The following SEMA4F variants were observed in gnomAD, a reference collection of about 807,000 sequenced individuals.
SEMA4F encodes the protein semaphorin-4F.
In SEMA4F, 51 loss-of-function variants were observed where a neutral mutation model predicts 78.4. The ratio of observed to expected loss-of-function variants is 0.65; its 90% confidence interval spans 0.52 to 0.82. The LOEUF (loss-of-function observed/expected upper bound fraction) is 0.82. Ranked by LOEUF, SEMA4F falls within the 40% of genes least tolerant of loss-of-function variation. The probability of loss-of-function intolerance (pLI) is 0.00; values close to 1 mark genes in which losing one functional copy is unlikely to be tolerated. For synonymous variants in SEMA4F, 418 were observed against 408.7 expected (o/e 1.02, Z -0.27); for missense variants, 938 against 1,014.4 (o/e 0.92, Z 1.02).
the SEMA4F span, among the ~76,000 whole-genome samples, chr2:74,708,448 G>A: frequency 6.6e-6 from 1 of 152,008 alleles, no homozygotes. Context: ...AGGCCATGTG[G>A]GGACCTGGAA....
chr2:74,668,043 TTC>T (rs1684783324), intron 5 of SEMA4F, among the ~76,000 whole-genome samples: 2 of 152,218 alleles, frequency 1.3e-5, no homozygotes, highest in African/African-American at 4.8e-5. Flanking sequence ...CCAAACCTGC[TTC>T]TCTGTCAGTC....
rs200564949 is a variant in SEMA4F at position 74,680,128 on chromosome 2, C to G, written c.2232C>G (p.Phe744Leu). Residue 744 changes from phenylalanine to leucine, a missense_variant, in exon 14 of 14, where the codon TTC becomes TTG. Phe to Leu is a conservative substitution (Grantham distance 22). Coordinates refer to ENST00000357877, the MANE Select transcript of SEMA4F (RefSeq NM_004263.5). ...GSGFGGFSPP[F>L]LLDPCPSPAH... Reference sequence around the variant, plus strand: ...GCTTTGGTGGATTCTCACCACCCTTCCTGCTTGATCCTTGCCCAAGCCCAG... The same window carrying G: ...GCTTTGGTGGATTCTCACCACCCTTGCTGCTTGATCCTTGCCCAAGCCCAG... The G allele has an allele frequency of 1.2e-6, 2 of 1,611,002 alleles. No homozygotes were observed. Among genetic ancestry groups the G allele is most frequent in the Admixed American group, 3.3e-5 (2 of 59,940 alleles).
chr2:74,660,566 A>G (rs1056648521), intron 4 of SEMA4F, among the ~76,000 whole-genome samples: 4 of 152,268 alleles, frequency 2.6e-5, no homozygotes, highest in Admixed American at 2.0e-4. Context: ...CTCAGAGACT[A>G]TGCTGCTGAC....
downstream of SEMA4F, among the ~76,000 whole-genome samples, chr2:74,687,405 T>G (rs898914979): frequency 6.6e-6 from 1 of 152,266 alleles, no homozygotes; most frequent in African/African-American, 2.4e-5. Context: ...AATTTGTATT[T>G]TCTTGTTTGC....
At chr2:74,659,633 G>A (rs754615600) in intron 4 of SEMA4F, among the ~76,000 whole-genome samples, 3 of 152,136 alleles carry the variant, frequency 2.0e-5, no homozygotes, top group Non-Finnish European at 4.4e-5. Context: ...GCCGCAAGAG[G>A]TCAACTCTGG....
chr2:74,674,500 G>A lies in SEMA4F; in HGVS notation c.825G>A (p.Gly275=), dbSNP rs748265811. Residue 275 remains glycine, a splice_region_variant and synonymous_variant, in exon 8 of 14, where the codon GGG becomes GGA. Transcript: ENST00000357877. ...KVPRVARVCA[G]DLGGRKTLQQ... Reference sequence around the variant, plus strand: ...CTCCCATGTGTTTGTCACCCCAGGGGGACCTCGGGGGCCGGAAGACCCTCC... The same window carrying A: ...CTCCCATGTGTTTGTCACCCCAGGGAGACCTCGGGGGCCGGAAGACCCTCC... 2 of 1,611,894 alleles carry A rather than the reference G, an allele frequency of 1.2e-6. No homozygotes were observed. The highest frequency in any genetic ancestry group is 2.2e-5 in the East Asian group (1 of 44,834).
At chr2:74,673,362 G>T in intron 5 of SEMA4F, 95 bp from the exon 6 acceptor site, 2 of 1,486,250 alleles carry the variant, frequency 1.3e-6, no homozygotes, top group Non-Finnish European at 1.8e-6. Context: ...GTCCCTGAGA[G>T]TCGCTGCCCT....
At chr2:74,686,105 C>CTT (rs1252929999), downstream of SEMA4F, among the ~76,000 whole-genome samples, 10 of 143,766 alleles carry the variant, frequency 7.0e-5, no homozygotes, top group Admixed American at 6.9e-5. Flanking sequence ...CTTTTTTTTT[C>CTT]TTTTTTTTTT....
downstream of SEMA4F, among the ~76,000 whole-genome samples, chr2:74,688,040 A>C (rs1310134901): frequency 6.6e-6 from 1 of 152,186 alleles, no homozygotes; most frequent in Admixed American, 6.5e-5. Flanking sequence ...CATTTTTTAC[A>C]TCAAACTCAA....
chr2:74,654,429 C>A lies in SEMA4F; in HGVS notation c.53C>A (p.Ser18Ter). Residue 18 changes from serine to a stop codon, truncating the protein, a stop_gained, in exon 1 of 14, where the codon TCG becomes TAG. Transcript: ENST00000357877. LOFTEE classifies it high-confidence loss of function. ...CCGGGTCCCGGGCAGCCTACAGCCT[C>A]GCCCTTCCCGCTACTGCTGCTGGCG... ...PRPGPGQPTASPFPLLLLAVL... is the reference protein window; with the variant it reads ...PRPGPGQPTA 6.4e-7 allele frequency: 1 copy of A among 1,562,792 alleles called. No individual in the cohort carries two copies.
chr2:74,675,144 GC>G lies in SEMA4F; in HGVS notation c.1150-15del. On this transcript the variant is annotated splice_polypyrimidine_tract_variant and intron_variant, in intron 9 of 13. Transcript: ENST00000357877. The stretch of plus-strand genomic sequence containing the variant: ...CTGTTCCTGGGAAACTTTGTCACCA[GC>G]CCTGTATTTCCTCTAGTGCATCACC... 6.2e-7 allele frequency: 1 copy of G among 1,613,952 alleles called. No homozygotes were observed. The highest frequency in any genetic ancestry group is 8.5e-7 in the Non-Finnish European group (1 of 1,179,950).
chr2:74,657,524 T>C (rs771693145), intron 2 of SEMA4F, 41 bp from the exon 3 acceptor site: 1 of 1,594,914 alleles, frequency 6.3e-7, no homozygotes, highest in East Asian at 2.2e-5. Flanking sequence ...GAGTTTGATG[T>C]TAGGGGAATC....
chr2:74,696,817 C>T, the SEMA4F span, among the ~76,000 whole-genome samples: 1 of 152,334 alleles, frequency 6.6e-6, no homozygotes, highest in African/African-American at 2.4e-5. Context: ...GATCCTTCCA[C>T]ATAAGTGCAT....
intron 5 of SEMA4F, among the ~76,000 whole-genome samples, chr2:74,667,576 G>A (rs1252049720): frequency 2.6e-5 from 4 of 152,152 alleles, no homozygotes; most frequent in Non-Finnish European, 5.9e-5. Context: ...TTTCTTTTGG[G>A]AAAGCCTCCG....
At chr2:74,689,498 T>A in the SEMA4F span, among the ~76,000 whole-genome samples, 1 of 152,202 alleles carries the variant, frequency 6.6e-6, no homozygotes, top group Non-Finnish European at 1.5e-5. Flanking sequence ...GTAATTACAC[T>A]TTTAGAAATT....
Position 74,654,479 on chromosome 2 carries a change from C to A in SEMA4F, c.103C>A (p.Arg35Ser). ...GGTGCTGAGCGGCCCGGTATCCGGC[C>A]GCGTCCCCCGCTCGGTGCCCAGAAC... ...LAVLSGPVSG[R>S]VPRSVPRTSL... Residue 35 changes from arginine (R) to serine (S), a missense_variant, in exon 1 of 14, where the codon CGC becomes AGC. Physicochemically the swap from Arg to Ser is moderately radical, Grantham distance 110. Transcript: ENST00000357877. 1.9e-6 allele frequency: 3 copies of A among 1,574,724 alleles called. No individual in the cohort carries two copies. The highest frequency in any genetic ancestry group is 2.6e-6 in the Non-Finnish European group (3 of 1,164,560).
chr2:74,687,028 C>T (rs1013372039), downstream of SEMA4F, among the ~76,000 whole-genome samples: 1 of 152,136 alleles, frequency 6.6e-6, no homozygotes, highest in African/African-American at 2.4e-5. Flanking sequence ...TAATGTTGTT[C>T]CTTCCAAATG....
At chr2:74,707,567 G>T in the SEMA4F span, among the ~76,000 whole-genome samples, 8,150 of 151,764 alleles carry the variant, frequency 0.054, 655 homozygotes, top group African/African-American at 0.18. Context: ...AATAGGTTCA[G>T]ATTTGCCCTC....
chr2:74,693,226 G>T, the SEMA4F span, among the ~76,000 whole-genome samples: 2 of 152,206 alleles, frequency 1.3e-5, no homozygotes, highest in African/African-American at 4.8e-5. Context: ...ATAGGATTCT[G>T]TTGCTTGATA....
Sources: allele counts gnomAD v4.1 joint callset (sites outside exome capture counted in the v4.1 genomes callset), GRCh38; gene constraint gnomAD v4.1.1; transcripts MANE v1.5; gene names NCBI Gene and HGNC (gene_info 2026-07-23, HGNC 2026-07-21).